Variants in MYH15 observed in about 807,000 individuals in gnomAD.
The protein encoded by MYH15 is myosin heavy chain 15.
In MYH15, 227 loss-of-function variants were observed where a neutral mutation model predicts 240.5. The ratio of observed to expected loss-of-function variants is 0.94; its 90% CI spans 0.85 to 1.05. The LOEUF is 1.05. Among genes scored for constraint, MYH15 ranks in the 50% least tolerant of loss-of-function variants. The pLI is 0.00. For missense variants in MYH15, 2,217 were observed against 2,247.5 expected (o/e 0.99, Z 0.27); for synonymous variants, 785 against 796.7 (o/e 0.99, Z 0.25).
rs535217166 is a variant in MYH15, at chr3:108,439,755, C to T, written c.3057G>A (p.Leu1019=). Residue 1019 remains leucine, a synonymous_variant, in exon 24 of 41, where the codon CTG becomes CTA. Coordinates refer to ENST00000693548, the MANE Select transcript of MYH15 (RefSeq NM_014981.3). Reference sequence around the variant, plus strand: ...TACTGACCTCATCAACTTGCTGTTCCAGCTTCAGATTTGCTTTGCTCAGGC... The same window carrying T: ...TACTGACCTCATCAACTTGCTGTTCTAGCTTCAGATTTGCTTTGCTCAGGC... The part of the protein sequence containing the change: ...LSSLSKANLK[L]EQQVDELEGA... 2 of 1,603,848 alleles carry T rather than the reference C, an allele frequency of 1.2e-6. No homozygotes were observed. The highest frequency in any genetic ancestry group is 2.2e-5 in the South Asian group (2 of 89,064).
intron 27 of MYH15, among the ~76,000 whole-genome samples, chr3:108,425,606 T>C (rs2082719464): frequency 6.6e-6 from 1 of 152,028 alleles, no homozygotes; most frequent in Non-Finnish European, 1.5e-5. Flanking sequence ...ACGTGAGTTA[T>C]AAAAAGAAAC....
At chr3:108,526,360 T>C (rs2083670906) in intron 1 of MYH15, among the ~76,000 whole-genome samples, 1 of 152,186 alleles carries the variant, frequency 6.6e-6, no homozygotes, top group Non-Finnish European at 1.5e-5. Flanking sequence ...TGAAATTTAT[T>C]TTCCCTGTTC....
At chr3:108,501,980 A>G (rs2083442218) in intron 2 of MYH15, 125 bp from the exon 3 acceptor site, 1 of 1,006,414 alleles carries the variant, frequency 9.9e-7, no homozygotes, top group Non-Finnish European at 1.5e-6. Context: ...GGATGGGGCC[A>G]GAAGAAATTA....
At chr3:108,384,510 C>T (rs960780306) in intron 39 of MYH15, among the ~76,000 whole-genome samples, 177 bp downstream of exon 39, 6 of 152,082 alleles carry the variant, frequency 3.9e-5, no homozygotes, top group South Asian at 4.1e-4. Context: ...GGAAAAGCCA[C>T]GCACATTTTT....
At chr3:108,480,846 A>C (rs2083260746) in intron 11 of MYH15, among the ~76,000 whole-genome samples, 1 of 152,198 alleles carries the variant, frequency 6.6e-6, no homozygotes, top group South Asian at 2.1e-4. Context: ...CTCAAGAAAG[A>C]GGCAAAGGCT....
chr3:108,506,993 T>C (rs1290191214), intron 1 of MYH15, among the ~76,000 whole-genome samples: 2 of 152,026 alleles, frequency 1.3e-5, no homozygotes, highest in Non-Finnish European at 2.9e-5. Flanking sequence ...ATCGTGCCAT[T>C]GCACTCCAGC....
rs529835412 is a variant in MYH15 at position 108,500,395 on chromosome 3, C to A, written c.340-121G>T. 2.6e-5 allele frequency: 27 copies of A among 1,055,276 alleles called. 1 individual carries two copies. The South Asian group carries it at 4.5e-4, about 18-fold the overall frequency. The allele number at this position is 1,055,276 out of a possible 1,614,324, so 65.4% of individuals were successfully genotyped here. On this transcript the variant is annotated intron_variant, in intron 3 of 40. Transcript: ENST00000693548. ...ACTTATAAAGGAACTCAGAGGGGAG[C>A]TTTTGGAATCATGTAGAGAAGGGAC...
intron 21 of MYH15, among the ~76,000 whole-genome samples, chr3:108,445,738 ACTAT>A (rs1289728526): frequency 6.6e-6 from 1 of 152,202 alleles, no homozygotes; most frequent in African/African-American, 2.4e-5. Flanking sequence ...AGATAATTGA[ACTAT>A]CTGATGGAGA....
intron 25 of MYH15, among the ~76,000 whole-genome samples, chr3:108,435,701 T>TATATATATATGTATGTATATTTTATATAC (rs2082826338): frequency 6.7e-6 from 1 of 149,398 alleles, no homozygotes; most frequent in African/African-American, 2.5e-5. Context: ...TACATATATA[T>TATATATATATGTATGTATATTTTATATAC]ATATATATAT....
At chr3:108,432,393 G>A (rs1248225180) in intron 25 of MYH15, among the ~76,000 whole-genome samples, 4 of 151,640 alleles carry the variant, frequency 2.6e-5, no homozygotes, top group Non-Finnish European at 4.4e-5. Flanking sequence ...GAACATAAAA[G>A]TTTGGAAAAT....
At chr3:108,497,919 A>G in intron 6 of MYH15, 133 bp downstream of exon 6, 1 of 662,422 alleles carries the variant, frequency 1.5e-6, no homozygotes, top group South Asian at 2.0e-5. Flanking sequence ...ATTTAAAAAA[A>G]TACTTTTCTA....
intron 30 of MYH15, among the ~76,000 whole-genome samples, chr3:108,412,315 C>G (rs1326687347): frequency 1.3e-5 from 2 of 152,148 alleles, no homozygotes; most frequent in East Asian, 3.8e-4. Context: ...AAGGGGCTTT[C>G]CCCTTTTTTA....
At chr3:108,393,853 G>A (rs986753012) in intron 36 of MYH15, among the ~76,000 whole-genome samples, 178 bp downstream of exon 36, 1 of 152,208 alleles carries the variant, frequency 6.6e-6, no homozygotes, top group Non-Finnish European at 1.5e-5. Flanking sequence ...GGTGGGAGGA[G>A]CTAATTGGCC....
chr3:108,435,419 A>G (rs1486193271), intron 25 of MYH15, among the ~76,000 whole-genome samples: 1 of 152,112 alleles, frequency 6.6e-6, no homozygotes, highest in East Asian at 1.9e-4. Context: ...GAACTTAATC[A>G]TCTTACATAA....
rs35897568 is a variant in MYH15, at chr3:108,422,220, CTT to C, written c.3703-1008_3703-1007del. ...CATGTATAAATTATCTTTTTATTAT[CTT>C]TTTTTTTTTTTTTTGAGACAGAGGC... On this transcript the variant is annotated intron_variant, in intron 27 of 40. Coordinates refer to ENST00000693548, the MANE Select transcript of MYH15 (RefSeq NM_014981.3). Among the ~76,000 whole-genome samples the C allele has an allele frequency of 7.5e-3, 916 of 122,918 alleles. 7 individuals are homozygous for C. Among genetic ancestry groups the C allele is most frequent in the Non-Finnish European group, 9.1e-3 (503 of 55,200 alleles). 80.6% of individuals were successfully genotyped at this position (122,918 alleles called of 152,430 possible).
the MYH15 span, among the ~76,000 whole-genome samples, chr3:108,537,851 G>A: frequency 1.3e-5 from 2 of 152,102 alleles, no homozygotes; most frequent in Non-Finnish European, 2.9e-5. Context: ...ATAATACATA[G>A]CCCACTTCAA....
the MYH15 span, chr3:108,550,022 T>A: frequency 3.3e-5 from 5 of 152,000 alleles, no homozygotes; most frequent in East Asian, 1.9e-4. Flanking sequence ...TAATATTTTT[T>A]AAAAAATTTC....
intron 40 of MYH15, among the ~76,000 whole-genome samples, chr3:108,382,772 A>T (rs9868805): frequency 0.84 from 127,034 of 152,056 alleles, 53,485 homozygotes; most frequent in East Asian, 1. Flanking sequence ...TTTAAAAAAA[A>T]AATAATAATA....
Position 108,398,730 on chromosome 3 carries a change from T to C in MYH15, c.5040A>G (p.Leu1680=). The change falls in exon 35 of 41, where the codon CTA becomes CTG. Residue 1680 remains leucine (L), a synonymous_variant. Coordinates refer to ENST00000693548, the MANE Select transcript of MYH15 (RefSeq NM_014981.3). The part of the protein sequence containing the change: ...NSLLQSELED[L]RSLQEQTERG... ...GCTCTGTCTGCTCTTGCAGGGACCT[T>C]AGATCCTCTAGTTCAGACTGAAGAA... The C allele has an allele frequency of 6.2e-7, 1 of 1,614,192 alleles. No individual in the cohort carries two copies. Among genetic ancestry groups the C allele is most frequent in the Non-Finnish European group, 8.5e-7 (1 of 1,180,042 alleles).
Sources: gnomAD v4.1 joint callset for allele counts (sites outside exome capture counted in the v4.1 genomes callset) on GRCh38, gnomAD v4.1.1 for gene constraint, MANE v1.5 for transcripts, NCBI Gene and HGNC (gene_info 2026-07-23, HGNC 2026-07-21) for gene names.